Variants in SUPT3H observed in about 807,000 individuals in gnomAD.
The protein encoded by SUPT3H is transcription initiation protein SPT3 homolog.
SUPT3H carries 44 observed loss-of-function variants against 44.3 expected under a neutral mutation model. The ratio of observed to expected loss-of-function variants is 0.99; its 90% confidence interval spans 0.78 to 1.28. SUPT3H has a LOEUF of 1.28. Among genes scored for constraint, SUPT3H ranks in the 50% most tolerant of loss-of-function variants. The pLI, the probability that SUPT3H is intolerant of heterozygous loss-of-function variation, is 0.00. For missense variants in SUPT3H, 380 were observed against 387.1 expected (o/e 0.98, Z 0.15); for synonymous variants, 124 against 125.6 (o/e 0.99, Z 0.09).
chr6:44,952,146 T>C (rs1774410623), intron 9 of SUPT3H, among the ~76,000 whole-genome samples: 1 of 152,180 alleles, frequency 6.6e-6, no homozygotes, highest in Non-Finnish European at 1.5e-5. Context: ...TGTTGAATTG[T>C]CCTTTTGTTT....
At chr6:44,958,193 C>T (rs558593730) in intron 7 of SUPT3H, among the ~76,000 whole-genome samples, 11 of 152,274 alleles carry the variant, frequency 7.2e-5, no homozygotes, top group Admixed American at 2.6e-4. Context: ...TTTCAGCCTG[C>T]GCTGAACTTA....
At chr6:45,085,310 A>C (rs185390961) in intron 3 of SUPT3H, among the ~76,000 whole-genome samples, 1 of 152,266 alleles carries the variant, frequency 6.6e-6, no homozygotes, top group East Asian at 1.9e-4. Flanking sequence ...CAAAGTATTT[A>C]TATACATTTT....
chr6:45,274,645 C>T (rs1776724256), intron 2 of SUPT3H, among the ~76,000 whole-genome samples: 1 of 152,170 alleles, frequency 6.6e-6, no homozygotes, highest in Non-Finnish European at 1.5e-5. Flanking sequence ...CTCTGGGAGG[C>T]TGAGGCAGGT....
At chr6:45,163,780 C>T (rs1257989196) in intron 2 of SUPT3H, among the ~76,000 whole-genome samples, 1 of 146,136 alleles carries the variant, frequency 6.8e-6, no homozygotes, top group African/African-American at 2.6e-5. Context: ...GGGTGATGCA[C>T]CACCACTTGT....
At chr6:45,120,417 T>TTAAA (rs370965970) in intron 2 of SUPT3H, among the ~76,000 whole-genome samples, 1 of 50,510 alleles carries the variant, frequency 2.0e-5, no homozygotes, top group African/African-American at 7.4e-5. Flanking sequence ...AGACCTTGTC[T>TTAAA]AAAAAAAAAA....
At chr6:45,355,933 A>T (rs577360478) in intron 2 of SUPT3H, among the ~76,000 whole-genome samples, 10 of 152,286 alleles carry the variant, frequency 6.6e-5, no homozygotes, top group Admixed American at 6.5e-4. Context: ...TATTAAACAC[A>T]CATTACTAAC....
intron 2 of SUPT3H, among the ~76,000 whole-genome samples, chr6:45,184,503 A>G (rs554127567): frequency 4.6e-5 from 7 of 152,248 alleles, no homozygotes; most frequent in Admixed American, 3.9e-4. Flanking sequence ...GTGAACAAAA[A>G]CAATATTTTG....
intron 2 of SUPT3H, among the ~76,000 whole-genome samples, chr6:45,310,871 C>T (rs1301725051): frequency 2.6e-5 from 4 of 152,138 alleles, no homozygotes; most frequent in Admixed American, 2.6e-4. Flanking sequence ...AAACAGGGTT[C>T]ATCAACACCC....
At chr6:44,985,205 A>T in intron 6 of SUPT3H, among the ~76,000 whole-genome samples, 1 of 26,408 alleles carries the variant, frequency 3.8e-5, no homozygotes, top group African/African-American at 1.3e-4. Flanking sequence ...ATAAATAAAT[A>T]AATAAATAAA....
At chr6:45,245,015 C>T (rs1020457604) in intron 2 of SUPT3H, among the ~76,000 whole-genome samples, 1 of 152,092 alleles carries the variant, frequency 6.6e-6, no homozygotes, top group African/African-American at 2.4e-5. Context: ...AACTCTTCCA[C>T]AGTAAAACTA....
intron 2 of SUPT3H, among the ~76,000 whole-genome samples, chr6:45,288,904 GT>G (rs1418257083): frequency 6.6e-6 from 1 of 151,820 alleles, no homozygotes; most frequent in African/African-American, 2.4e-5. Flanking sequence ...CACTGACTCA[GT>G]TTTAAAGAAT....
chr6:45,204,971 C>T (rs1763002645), intron 2 of SUPT3H, among the ~76,000 whole-genome samples: 1 of 152,102 alleles, frequency 6.6e-6, no homozygotes, highest in South Asian at 2.1e-4. Context: ...TGCTTAACTC[C>T]AATCTCCCCT....
chr6:45,215,693 A>C (rs1764920430), intron 2 of SUPT3H, among the ~76,000 whole-genome samples: 1 of 152,194 alleles, frequency 6.6e-6, no homozygotes, highest in Non-Finnish European at 1.5e-5. Context: ...AAATTATGGG[A>C]AATTATTAAG....
At chr6:44,862,817 A>C (rs1213474694) in intron 10 of SUPT3H, among the ~76,000 whole-genome samples, 2 of 152,110 alleles carry the variant, frequency 1.3e-5, no homozygotes, top group Non-Finnish European at 2.9e-5. Flanking sequence ...TAAAAGTTCA[A>C]TAAAGACGTA....
intron 10 of SUPT3H, among the ~76,000 whole-genome samples, chr6:44,887,904 C>G (rs948889965): frequency 2.0e-5 from 3 of 151,828 alleles, no homozygotes; most frequent in African/African-American, 7.3e-5. Flanking sequence ...AGAGAAGAAC[C>G]AAATAGAGGC....
chr6:45,238,479 G>C (rs1769631735), intron 2 of SUPT3H, among the ~76,000 whole-genome samples: 1 of 152,194 alleles, frequency 6.6e-6, no homozygotes, highest in African/African-American at 2.4e-5. Flanking sequence ...GGAGATCCTA[G>C]TCTCACTAGC....
At chr6:45,294,677 C>T (rs1780838007) in intron 2 of SUPT3H, among the ~76,000 whole-genome samples, 1 of 132,582 alleles carries the variant, frequency 7.5e-6, no homozygotes, top group Non-Finnish European at 1.6e-5. Context: ...CTTCTGTACA[C>T]CAACAGTGAC....
At chr6:45,177,066 G>A (rs922813628) in intron 2 of SUPT3H, among the ~76,000 whole-genome samples, 2 of 152,164 alleles carry the variant, frequency 1.3e-5, no homozygotes, top group East Asian at 1.9e-4. Flanking sequence ...AAAGCTGGAC[G>A]GAGAATGACT....
chr6:45,102,031 T>A (rs1441056190), intron 3 of SUPT3H, among the ~76,000 whole-genome samples: 1 of 152,074 alleles, frequency 6.6e-6, no homozygotes, highest in East Asian at 1.9e-4. Context: ...TTTTGGGGAA[T>A]GAGGGAACTG....
Sources: allele counts gnomAD v4.1 joint callset (sites outside exome capture counted in the v4.1 genomes callset), GRCh38; gene constraint gnomAD v4.1.1; transcripts MANE v1.5; gene names NCBI Gene and HGNC (gene_info 2026-07-23, HGNC 2026-07-21).